ADAMDEC1: variants seen among roughly 807,000 people sequenced by gnomAD.
ADAMDEC1 encodes ADAM DEC1.
A neutral mutation model predicts 60.4 loss-of-function variants in ADAMDEC1; 62 were observed. The observed-to-expected ratio is 1.03, with a 90% confidence interval of 0.84 to 1.27. ADAMDEC1 has a LOEUF of 1.27. Ranked by LOEUF, ADAMDEC1 falls within the 50% of genes most tolerant of loss-of-function variation. The pLI, the probability that ADAMDEC1 is intolerant of heterozygous loss-of-function variation, is 0.00. For synonymous variants in ADAMDEC1, 210 were observed against 195.1 expected (o/e 1.08, Z -0.64); for missense variants, 595 against 565.0 (o/e 1.05, Z -0.54).
At chr8:24,393,754 A>G (rs1817509922) in intron 3 of ADAMDEC1, among the ~76,000 whole-genome samples, 1 of 152,140 alleles carries the variant, frequency 6.6e-6, no homozygotes, top group Non-Finnish European at 1.5e-5. Flanking sequence ...CTATAAGCAT[A>G]TTTGTGACCC....
At chr8:24,393,941 A>G (rs1817515380) in intron 3 of ADAMDEC1, 128 bp from the exon 4 acceptor site, 6 of 490,774 alleles carry the variant, frequency 1.2e-5, no homozygotes, top group Non-Finnish European at 1.8e-5. Flanking sequence ...ATGTTGGAAG[A>G]GGATTAGTAG....
intron 4 of ADAMDEC1, among the ~76,000 whole-genome samples, chr8:24,395,451 G>A (rs1358292470): frequency 6.6e-6 from 1 of 152,168 alleles, no homozygotes; most frequent in Admixed American, 6.5e-5. Flanking sequence ...CTCCTCCTTA[G>A]TGTAAATTAA....
rs999155324 is a variant in ADAMDEC1, at chr8:24,394,284, A to G, written c.363+137A>G. 2.3e-5 allele frequency: 13 copies of G among 572,180 alleles called. No individual in the cohort carries two copies. In the African/African-American group the frequency reaches 2.4e-4, roughly 11 times the overall value. 35.4% of individuals were successfully genotyped at this position (572,180 alleles called of 1,614,324 possible). A position where few individuals can be genotyped will look rare whatever the true frequency, so the allele number is the denominator to read the frequency against. ...CATGAACAGCTTCAAAAAATAATCA[A>G]AGGACTTGAAAGCAAGTTGCTTATC... On this transcript the variant is annotated intron_variant, in intron 4 of 13. Transcript: ENST00000256412.
chr8:24,405,193 A>T, intron 13 of ADAMDEC1, 99 bp from the exon 14 acceptor site: 1 of 1,210,160 alleles, frequency 8.3e-7, no homozygotes, highest in Non-Finnish European at 1.2e-6. Context: ...ATTGTTATTC[A>T]CATAATTTAA....
intron 13 of ADAMDEC1, 44 bp from the exon 14 acceptor site, chr8:24,405,248 T>G: frequency 6.3e-7 from 1 of 1,587,378 alleles, no homozygotes; most frequent in African/African-American, 1.3e-5. Context: ...ATTTTGTAAC[T>G]TGTAATAACC....
chr8:24,403,427 T>A (rs1461989078), intron 12 of ADAMDEC1, among the ~76,000 whole-genome samples: 1 of 152,062 alleles, frequency 6.6e-6, no homozygotes, highest in African/African-American at 2.4e-5. Context: ...CACACTATTT[T>A]AAAGATTGTA....
At chr8:24,392,220 AC>A in intron 1 of ADAMDEC1, 41 bp from the exon 2 acceptor site, 2 of 1,491,500 alleles carry the variant, frequency 1.3e-6, no homozygotes, top group Non-Finnish European at 1.8e-6. Flanking sequence ...TAAAACCAAA[AC>A]CTTTAAATCT....
chr8:24,399,307 C>A lies in ADAMDEC1; in HGVS notation c.930-86C>A, dbSNP rs994166004. The stretch of plus-strand genomic sequence containing the variant: ...AGTGAATATAAAAAGGCTAGGGCAG[C>A]GAGGCAATTCGTTAATGTAATTAAC... On this transcript the variant is annotated intron_variant, in intron 9 of 13. Transcript: ENST00000256412. 4 of 1,365,286 alleles carry A rather than the reference C, an allele frequency of 2.9e-6. No individual in the cohort carries two copies. The African/African-American group carries it at 4.3e-5, about 15-fold the overall frequency. The allele number at this position is 1,365,286 out of a possible 1,614,324, so 84.6% of individuals were successfully genotyped here.
chr8:24,399,980 T>C (rs942700505), intron 10 of ADAMDEC1, among the ~76,000 whole-genome samples, 190 bp from the exon 11 acceptor site: 2 of 152,208 alleles, frequency 1.3e-5, no homozygotes, highest in Admixed American at 1.3e-4. Context: ...AACAAATATT[T>C]ATTGAATAAA....
At position 24,384,343 on chromosome 8, in the gene ADAMDEC1, A is replaced by G. The variant is rs1817237850; in HGVS notation, c.-162A>G. The G allele has an allele frequency of 1.2e-5, 7 of 593,878 alleles. No homozygotes were observed. The highest frequency in any genetic ancestry group is 1.9e-5 in the African/African-American group (1 of 52,598). The allele number at this position is 593,878 out of a possible 1,614,324, so 36.8% of individuals were successfully genotyped here. On this transcript the variant is annotated 5_prime_UTR_variant, in exon 1 of 14. Coordinates refer to ENST00000256412, the MANE Select transcript of ADAMDEC1 (RefSeq NM_014479.3). ...CATAAATATCTCTCAAAGATGAGGA[A>G]CATTCTCATGATGTTGACACTGCAA...
chr8:24,401,407 A>G (rs1269782738), intron 11 of ADAMDEC1, among the ~76,000 whole-genome samples: 2 of 152,170 alleles, frequency 1.3e-5, no homozygotes, highest in East Asian at 3.9e-4. Context: ...ATATTTATGA[A>G]TTACCTGTGA....
At chr8:24,393,391 G>A in intron 3 of ADAMDEC1, 53 bp downstream of exon 3, 2 of 1,303,932 alleles carry the variant, frequency 1.5e-6, no homozygotes, top group South Asian at 1.3e-5. Context: ...TGAAATTGGG[G>A]AGCAATCTTT....
chr8:24,405,967 A>G lies in ADAMDEC1; in HGVS notation c.*669A>G, dbSNP rs1266179514. On this transcript the variant is annotated 3_prime_UTR_variant, in exon 14 of 14. Coordinates refer to ENST00000256412, the MANE Select transcript of ADAMDEC1 (RefSeq NM_014479.3). ...TTAATTGAGCCAGCAAAGAAGGCTT[A>G]ATGATTTATTGAACCATAATGTCAA... is the stretch of plus-strand genomic sequence containing the variant. The G allele has an allele frequency of 6.6e-6, 1 of 152,220 alleles. No homozygotes were observed. Among genetic ancestry groups the G allele is most frequent in the Non-Finnish European group, 1.5e-5 (1 of 68,038 alleles). The allele number at this position is 152,220 out of a possible 1,614,324, so 9.4% of individuals were successfully genotyped here.
At chr8:24,400,057 G>T in intron 10 of ADAMDEC1, 113 bp from the exon 11 acceptor site, 3 of 844,148 alleles carry the variant, frequency 3.6e-6, no homozygotes, top group Non-Finnish European at 3.4e-6. Context: ...CACAGTGACA[G>T]GGAAAGGAGC....
chr8:24,386,302 C>G (rs1294885642), intron 1 of ADAMDEC1, among the ~76,000 whole-genome samples: 1 of 152,152 alleles, frequency 6.6e-6, no homozygotes, highest in East Asian at 1.9e-4. Flanking sequence ...ATTCTTCTTT[C>G]AATCTCACAA....
Position 24,400,293 on chromosome 8 carries a change from T to C in ADAMDEC1, c.1135T>C (p.Tyr379His). 6.2e-7 allele frequency: 1 copy of C among 1,600,650 alleles called. No homozygotes were observed. Among genetic ancestry groups the C allele is most frequent in the South Asian group, 1.1e-5 (1 of 87,326 alleles). Residue 379 changes from tyrosine (Y) to histidine (H), a missense_variant, in exon 11 of 14, where the codon TAT (tyrosine) becomes CAT (histidine). Tyr to His is a moderately conservative substitution (Grantham distance 83, BLOSUM62 2). Transcript: ENST00000256412. ...CTCTGGCAGTTGTGTGATGAATCAG[T>C]ATCTGAGGTGAGACCTTGTCATCCT... Reference protein sequence around the residue: ...CPSGSCVMNQYLSSKFPKDFS... With the variant: ...CPSGSCVMNQHLSSKFPKDFS...
At chr8:24,391,243 T>C (rs76114963) in intron 1 of ADAMDEC1, among the ~76,000 whole-genome samples, 4,100 of 152,290 alleles carry the variant, frequency 0.027, 95 homozygotes, top group Admixed American at 0.072. Context: ...AGTGGAAAAC[T>C]GTCTCTAAGC....
At position 24,400,307 on chromosome 8, in the gene ADAMDEC1, C is replaced by A. The variant is rs754412982; in HGVS notation, c.1142+7C>A. ...TGATGAATCAGTATCTGAGGTGAGA[C>A]CTTGTCATCCTAAAAGGAGAGAGAT... is the stretch of plus-strand genomic sequence containing the variant. On this transcript the variant is annotated splice_region_variant and intron_variant, in intron 11 of 13. Coordinates refer to ENST00000256412, the MANE Select transcript of ADAMDEC1 (RefSeq NM_014479.3). 57 of 1,585,754 alleles carry A rather than the reference C, an allele frequency of 3.6e-5. 1 individual carries two copies. In the South Asian group the frequency reaches 4.2e-4, roughly 12 times the overall value.
rs900972053 is a variant in ADAMDEC1, at chr8:24,406,012, G to A, written c.*714G>A. Reference sequence around the variant, plus strand: ...TGTCAATAAAAACACAACTTTTGAGGCTTTTCTGTGTGGTCATTTTCAAAA... The same window carrying A: ...TGTCAATAAAAACACAACTTTTGAGACTTTTCTGTGTGGTCATTTTCAAAA... On this transcript the variant is annotated 3_prime_UTR_variant, in exon 14 of 14. Coordinates refer to ENST00000256412, the MANE Select transcript of ADAMDEC1 (RefSeq NM_014479.3). The A allele has an allele frequency of 7.9e-5, 12 of 152,050 alleles. No individual in the cohort carries two copies. The highest frequency in any genetic ancestry group is 1.3e-4 in the Non-Finnish European group (9 of 68,008). The allele number at this position is 152,050 out of a possible 1,614,324, so 9.4% of individuals were successfully genotyped here.
Sources: allele counts gnomAD v4.1 joint callset (sites outside exome capture counted in the v4.1 genomes callset), GRCh38; gene constraint gnomAD v4.1.1; transcripts MANE v1.5; gene names NCBI Gene and HGNC (gene_info 2026-07-23, HGNC 2026-07-21).